Variants in S100Z observed in about 807,000 individuals in gnomAD.
S100Z encodes the protein S100 calcium binding protein Z.
S100Z carries 11 observed loss-of-function variants against 8.5 expected under a neutral mutation model. The observed-to-expected ratio is 1.30, with a 90% CI of 0.82 to 2.15. S100Z has a LOEUF of 2.15. S100Z is among the 30% of genes most tolerant of loss of function. The pLI is 0.00. For missense variants in S100Z, 126 were observed against 117.9 expected, an observed-to-expected ratio of 1.07 and a Z score of -0.32; for synonymous variants, 34 against 43.8, an observed-to-expected ratio of 0.78 and a Z score of 0.89.
In S100Z at chr5:76,853,660, G is replaced by A. The variant is rs190288775; in HGVS notation, c.-176+3505G>A. Among the ~76,000 whole-genome samples the A allele has an allele frequency of 9.2e-5, 14 of 152,218 alleles. 1 individual carries two copies. The highest frequency in any genetic ancestry group is 7.8e-4 in the Admixed American group (12 of 15,298). On this transcript the variant is annotated intron_variant, in intron 1 of 4. Coordinates refer to ENST00000317593, the MANE Select transcript of S100Z (RefSeq NM_130772.4). ...AAAACACAAAAAATTAGCCAGGTGT[G>A]ATGGTGCACACCTGTAGTCCCAGCT...
intron 4 of S100Z, among the ~76,000 whole-genome samples, chr5:76,920,262 G>T (rs1016542784): frequency 2.0e-5 from 3 of 152,134 alleles, no homozygotes; most frequent in Admixed American, 6.5e-5. Context: ...GAGTTTAAAA[G>T]TTCTTTGCAT....
At chr5:76,865,942 G>A (rs1751258765) in intron 1 of S100Z, among the ~76,000 whole-genome samples, 1 of 151,086 alleles carries the variant, frequency 6.6e-6, no homozygotes, top group Non-Finnish European at 1.5e-5. Context: ...TTGAACCCGG[G>A]AAGCAGAGGT....
intron 4 of S100Z, among the ~76,000 whole-genome samples, chr5:76,918,594 C>T (rs550031623): frequency 7.2e-5 from 11 of 152,302 alleles, no homozygotes; most frequent in African/African-American, 2.4e-4. Flanking sequence ...CAGAGTGCTC[C>T]CATGTTATAC....
At chr5:76,915,949 G>A (rs1389607564) in intron 4 of S100Z, among the ~76,000 whole-genome samples, 3 of 151,992 alleles carry the variant, frequency 2.0e-5, no homozygotes, top group Non-Finnish European at 2.9e-5. Context: ...CAGATCATGA[G>A]GTTAGGATCA....
At chr5:76,950,637 T>C in the S100Z span, among the ~76,000 whole-genome samples, 1 of 151,916 alleles carries the variant, frequency 6.6e-6, no homozygotes, top group Non-Finnish European at 1.5e-5. Flanking sequence ...TCTGGAAAAA[T>C]ATGGAGAAAA....
intron 1 of S100Z, among the ~76,000 whole-genome samples, chr5:76,867,923 T>TC (rs1742841996): frequency 6.6e-6 from 1 of 152,174 alleles, no homozygotes; most frequent in Admixed American, 6.5e-5. Context: ...TGATCATTTC[T>TC]CCCATTCTTT....
chr5:76,925,730 G>A (rs1440863601), downstream of S100Z, among the ~76,000 whole-genome samples: 3 of 152,114 alleles, frequency 2.0e-5, no homozygotes, highest in East Asian at 5.8e-4. Flanking sequence ...ACTTTAAGAG[G>A]CTGAGGGGGG....
the S100Z span, among the ~76,000 whole-genome samples, chr5:76,943,011 CT>C: frequency 6.6e-6 from 1 of 151,992 alleles, no homozygotes; most frequent in African/African-American, 2.4e-5. Flanking sequence ...TGGGGTGGTT[CT>C]TTTTTTTATT....
chr5:76,949,511 A>T, the S100Z span, among the ~76,000 whole-genome samples: 18 of 152,368 alleles, frequency 1.2e-4, no homozygotes, highest in Admixed American at 1.0e-3. Context: ...ACATACCTGC[A>T]TTCCTATGTT....
intron 4 of S100Z, among the ~76,000 whole-genome samples, chr5:76,885,468 G>T (rs1336706310): frequency 8.0e-6 from 1 of 125,762 alleles, no homozygotes; most frequent in Admixed American, 7.6e-5. Context: ...TGGGAACGGG[G>T]TGGGAGGTGC....
intron 4 of S100Z, among the ~76,000 whole-genome samples, chr5:76,888,749 G>A (rs1743752352): frequency 6.6e-6 from 1 of 152,162 alleles, no homozygotes. Context: ...CTCTGGAAAA[G>A]TTTCTTGTAA....
intron 1 of S100Z, among the ~76,000 whole-genome samples, chr5:76,860,319 C>T (rs1434926924): frequency 6.6e-6 from 1 of 152,088 alleles, no homozygotes; most frequent in African/African-American, 2.4e-5. Flanking sequence ...TCATCTGTGG[C>T]AGAAAACAGA....
chr5:76,903,928 GT>G (rs1744325905), intron 4 of S100Z, among the ~76,000 whole-genome samples: 1 of 151,614 alleles, frequency 6.6e-6, no homozygotes, highest in Non-Finnish European at 1.5e-5. Context: ...AGAGATGGCT[GT>G]TAGTAGAGAC....
At chr5:76,903,368 C>T (rs199727232) in intron 4 of S100Z, among the ~76,000 whole-genome samples, 3 of 152,202 alleles carry the variant, frequency 2.0e-5, no homozygotes, top group East Asian at 3.9e-4. Flanking sequence ...TAGCAGAATA[C>T]ATTTGATATT....
intron 4 of S100Z, among the ~76,000 whole-genome samples, chr5:76,918,692 T>TC (rs1687021187): frequency 6.6e-6 from 1 of 152,220 alleles, no homozygotes; most frequent in Non-Finnish European, 1.5e-5. Context: ...CGTTGACACA[T>TC]CATTATTACC....
chr5:76,893,152 G>A (rs1370952328), intron 4 of S100Z, among the ~76,000 whole-genome samples: 4 of 152,176 alleles, frequency 2.6e-5, no homozygotes, highest in Non-Finnish European at 5.9e-5. Context: ...AATGGAAAGT[G>A]TCTACTATAT....
the S100Z span, among the ~76,000 whole-genome samples, chr5:76,936,480 A>G: frequency 6.6e-6 from 1 of 152,066 alleles, no homozygotes; most frequent in Non-Finnish European, 1.5e-5. Flanking sequence ...ATTTTAAACA[A>G]TTTTTTAAAA....
intron 4 of S100Z, among the ~76,000 whole-genome samples, chr5:76,894,544 G>A (rs563384350): frequency 6.6e-6 from 1 of 152,138 alleles, no homozygotes; most frequent in Admixed American, 6.5e-5. Flanking sequence ...TGGAAGACTG[G>A]AAACCCACCA....
chr5:76,913,746 G>C (rs927172596), intron 4 of S100Z, among the ~76,000 whole-genome samples: 1 of 152,208 alleles, frequency 6.6e-6, no homozygotes, highest in African/African-American at 2.4e-5. Flanking sequence ...CAGAGGCGTA[G>C]ACCTCCTCAC....
Sources: allele counts gnomAD v4.1 joint callset (sites outside exome capture counted in the v4.1 genomes callset), GRCh38; gene constraint gnomAD v4.1.1; transcripts MANE v1.5; gene names NCBI Gene and HGNC (gene_info 2026-07-23, HGNC 2026-07-21).